FSIP2: variants seen among roughly 807,000 people sequenced by gnomAD.
FSIP2 encodes the protein fibrous sheath-interacting protein 2.
Under a neutral mutation model 510.5 loss-of-function variants are expected in FSIP2, and 367 were observed. The observed-to-expected ratio is 0.72, with a 90% confidence interval of 0.66 to 0.78. The LOEUF (loss-of-function observed/expected upper bound fraction) is 0.78. FSIP2 is among the 30% of genes least tolerant of loss of function. The probability of loss-of-function intolerance (pLI) is 0.00; values close to 1 mark genes in which losing one functional copy is unlikely to be tolerated. For missense variants in FSIP2, 7,594 were observed against 7,901.7 expected, an observed-to-expected ratio of 0.96 and a Z score of 1.48; for synonymous variants, 2,601 against 2,732.2, an observed-to-expected ratio of 0.95 and a Z score of 1.50.
chr2:185,785,275 T>G (rs981921158), intron 14 of FSIP2, among the ~76,000 whole-genome samples: 13 of 152,080 alleles, frequency 8.5e-5, no homozygotes, highest in African/African-American at 3.1e-4. Context: ...ATGCTCCTAG[T>G]TGAATACTGC....
intron 19 of FSIP2, among the ~76,000 whole-genome samples, chr2:185,821,925 CAA>C (rs35066355): frequency 0.12 from 15,160 of 127,314 alleles, 1,088 homozygotes; most frequent in East Asian, 0.41. Flanking sequence ...GACCCTATCT[CAA>C]AAAAAAAAAA....
In FSIP2 at chr2:185,791,886, G is replaced by C. The variant is rs943224251; in HGVS notation, c.4750G>C (p.Asp1584His). The change falls in exon 16 of 23, where the codon GAT becomes CAT. Residue 1584 changes from aspartate (D) to histidine (H), a missense_variant. Transcript: ENST00000424728. ...HPNKLKAVAS[D>H]ILNMVFAKLE... Reference sequence around the variant, plus strand: ...AAATAAACTAAAAGCTGTAGCTTCAGATATTCTTAATATGGTTTTTGCTAA... The same window carrying C: ...AAATAAACTAAAAGCTGTAGCTTCACATATTCTTAATATGGTTTTTGCTAA... 2.2e-5 allele frequency: 33 copies of C among 1,533,950 alleles called. No homozygotes were observed. Among genetic ancestry groups the C allele is most frequent in the Non-Finnish European group, 2.9e-5 (33 of 1,145,448 alleles).
rs578237184 is a variant in FSIP2 at position 185,752,084 on chromosome 2, A to G, written c.871-1638A>G. Among the ~76,000 whole-genome samples, 8 of 150,644 alleles carry G rather than the reference A, an allele frequency of 5.3e-5. No individual in the cohort carries two copies. In the South Asian group the frequency reaches 1.0e-3, roughly 20 times the overall value. On this transcript the variant is annotated intron_variant, in intron 7 of 22. Transcript: ENST00000424728. Reference sequence around the variant, plus strand: ...CTGCTATCATTTTTTTTTCTGTCTGAAGGGCTTTCTTTAACATTGCTCCTA... The same window carrying G: ...CTGCTATCATTTTTTTTTCTGTCTGGAGGGCTTTCTTTAACATTGCTCCTA...
chr2:185,829,839 T>C (rs955643554), intron 21 of FSIP2, among the ~76,000 whole-genome samples: 1 of 151,890 alleles, frequency 6.6e-6, no homozygotes, highest in African/African-American at 2.4e-5. Flanking sequence ...ATTTTAGCCA[T>C]AGAACTAGAA....
rs1693428148 is a variant in FSIP2 at position 185,801,250 on chromosome 2, G to A, written c.11944G>A (p.Glu3982Lys). ...SATFLEGIIS[E>K]LFFNLSMSLW... Reference sequence around the variant, plus strand: ...CACATTTTTGGAAGGAATAATTTCAGAATTGTTTTTTAATCTCTCTATGTC... The same window carrying A: ...CACATTTTTGGAAGGAATAATTTCAAAATTGTTTTTTAATCTCTCTATGTC... The change falls in exon 17 of 23, where the codon GAA (glutamate) becomes AAA (lysine). Residue 3982 changes from glutamate to lysine, a missense_variant. By Grantham distance (56) the Glu-to-Lys change is moderately conservative. Coordinates refer to ENST00000424728, the MANE Select transcript of FSIP2 (RefSeq NM_173651.4). 6.5e-7 allele frequency: 1 copy of A among 1,534,010 alleles called. No homozygotes were observed. The highest frequency in any genetic ancestry group is 1.4e-5 in the African/African-American group (1 of 72,844).
At chr2:185,786,430 T>C (rs375047925) in intron 15 of FSIP2, 142 bp downstream of exon 15, 9 of 603,842 alleles carry the variant, frequency 1.5e-5, no homozygotes, top group East Asian at 2.8e-5. Context: ...TTTTTCTTCA[T>C]TGAAGTCTAC....
At chr2:185,756,979 G>A (rs922471180) in intron 9 of FSIP2, among the ~76,000 whole-genome samples, 30 of 151,352 alleles carry the variant, frequency 2.0e-4, no homozygotes, top group Admixed American at 5.9e-4. Flanking sequence ...AGATAGGGTT[G>A]CCTTAGCCTA....
chr2:185,804,370 C>CA lies in FSIP2; in HGVS notation c.15070dup (p.Ile5024AsnfsTer14). The CA allele has an allele frequency of 6.7e-7, 1 of 1,498,234 alleles. No individual in the cohort carries two copies. Among genetic ancestry groups the CA allele is most frequent in the Non-Finnish European group, 8.8e-7 (1 of 1,130,750 alleles). 92.8% of individuals were successfully genotyped at this position (1,498,234 alleles called of 1,614,324 possible). A position where few individuals can be genotyped will look rare whatever the true frequency, so the allele number is the denominator to read the frequency against. ...CTCAGAAAGATACAAAGAAATGGTT[C>CA]AAAAAATAGTCAACTCAGTATATGG... On this transcript the variant is annotated frameshift_variant, in exon 17 of 23. Coordinates refer to ENST00000424728, the MANE Select transcript of FSIP2 (RefSeq NM_173651.4). LOFTEE classifies it high-confidence loss of function.
rs188970608 is a variant in FSIP2 at position 185,804,206 on chromosome 2, A to G, written c.14900A>G (p.Asn4967Ser). The change falls in exon 17 of 23, where the codon AAC becomes AGC. Residue 4967 changes from asparagine (N) to serine (S), a missense_variant. Coordinates refer to ENST00000424728, the MANE Select transcript of FSIP2 (RefSeq NM_173651.4). ...LCKILYAFSH[N>S]MLVTENPDRV... ...AAAATTCTTTATGCATTTTCACATA[A>G]CATGTTGGTTACTGAAAATCCAGAT... The G allele has an allele frequency of 6.6e-7, 1 of 1,517,520 alleles. No homozygotes were observed. The highest frequency in any genetic ancestry group is 1.4e-5 in the African/African-American group (1 of 71,848). 94.0% of individuals were successfully genotyped at this position (1,517,520 alleles called of 1,614,324 possible). A position where few individuals can be genotyped will look rare whatever the true frequency, so the allele number is the denominator to read the frequency against.
chr2:185,748,608 T>C (rs1274244409), intron 7 of FSIP2, among the ~76,000 whole-genome samples: 1 of 152,048 alleles, frequency 6.6e-6, no homozygotes, highest in East Asian at 1.9e-4. Flanking sequence ...CCAGAAGCAA[T>C]TGAATGCACT....
chr2:185,740,567 C>T (rs1008146493), intron 2 of FSIP2: 15 of 152,146 alleles, frequency 9.9e-5, no homozygotes, highest in Non-Finnish European at 1.3e-4. Flanking sequence ...TTGATACTTG[C>T]TTAATGTCTT....
intron 7 of FSIP2, among the ~76,000 whole-genome samples, chr2:185,749,031 T>C (rs1264900665): frequency 3.9e-5 from 6 of 152,084 alleles, no homozygotes; most frequent in Admixed American, 3.9e-4. Flanking sequence ...TTCTATTCTT[T>C]GACCTATTTG....
At chr2:185,780,976 G>C (rs1481764957) in intron 13 of FSIP2, among the ~76,000 whole-genome samples, 2 of 151,704 alleles carry the variant, frequency 1.3e-5, no homozygotes, top group African/African-American at 4.9e-5. Context: ...CGAATTCTTA[G>C]CATATAATTT....
In FSIP2 at chr2:185,782,849, T is replaced by C; in HGVS notation, c.1469+87T>C. ...CTCATAAGCAAATGATTCCATGGAA[T>C]CCTCCATTTTTATAGTTCTACTTGG... On this transcript the variant is annotated intron_variant, in intron 14 of 22. Transcript: ENST00000424728. 4.0e-6 allele frequency: 3 copies of C among 745,410 alleles called. No individual in the cohort carries two copies. The South Asian group carries it at 4.7e-5, about 12-fold the overall frequency. The allele number at this position is 745,410 out of a possible 1,614,324, so 46.2% of individuals were successfully genotyped here.
At chr2:185,738,495 A>G, upstream of FSIP2, 2 of 1,067,740 alleles carry the variant, frequency 1.9e-6, no homozygotes, top group Non-Finnish European at 2.7e-6. Flanking sequence ...GAATGGGCAA[A>G]AACAATCACT....
At chr2:185,812,523 A>C (rs1693752380) in intron 17 of FSIP2, among the ~76,000 whole-genome samples, 1 of 152,002 alleles carries the variant, frequency 6.6e-6, no homozygotes. Context: ...TCTTCAACAA[A>C]AGGACACAGC....
Position 185,799,888 on chromosome 2 carries a change from T to G in FSIP2, c.10582T>G (p.Trp3528Gly), listed in dbSNP as rs553915537. The G allele has an allele frequency of 1.5e-5, 23 of 1,533,568 alleles. No individual in the cohort carries two copies. Among genetic ancestry groups the G allele is most frequent in the African/African-American group, 2.7e-5 (2 of 72,832 alleles). The allele number at this position is 1,533,568 out of a possible 1,614,324, so 95.0% of individuals were successfully genotyped here. The change falls in exon 17 of 23, where the codon TGG becomes GGG. Residue 3528 changes from tryptophan to glycine, a missense_variant. Coordinates refer to ENST00000424728, the MANE Select transcript of FSIP2 (RefSeq NM_173651.4). ...AAAGGGTAGAGAAAAAGAGAAAGCA[T>G]GGGAAATTCAAGAAGCAACATTTAG... is the stretch of plus-strand genomic sequence containing the variant. ...TKKGREKEKAWEIQEATFSKI... is the reference protein window; with the variant it reads ...TKKGREKEKAGEIQEATFSKI...
Position 185,809,705 on chromosome 2 carries a change from G to T in FSIP2, c.19827+572G>T, listed in dbSNP as rs199808795. Among the ~76,000 whole-genome samples the T allele has an allele frequency of 8.6e-5, 13 of 151,836 alleles. No individual in the cohort carries two copies. The East Asian group carries it at 2.3e-3, about 27-fold the overall frequency. ...TATATTAGCCTTTCCCATTTGCCCT[G>T]GCCTCTCAAGATGTACCCATTTTCT... On this transcript the variant is annotated intron_variant, in intron 17 of 22. Transcript: ENST00000424728.
At position 185,804,176 on chromosome 2, in the gene FSIP2, T is replaced by C. The variant is rs1170815863; in HGVS notation, c.14870T>C (p.Leu4957Ser). The C allele has an allele frequency of 5.3e-6, 8 of 1,511,508 alleles. No individual in the cohort carries two copies. Among genetic ancestry groups the C allele is most frequent in the East Asian group, 2.5e-5 (1 of 40,554 alleles). The allele number at this position is 1,511,508 out of a possible 1,614,324, so 93.6% of individuals were successfully genotyped here. The change falls in exon 17 of 23, where the codon TTA becomes TCA. Residue 4957 changes from leucine (L) to serine (S), a missense_variant. By Grantham distance (145) the Leu-to-Ser change is moderately radical (BLOSUM62 -2). Coordinates refer to ENST00000424728, the MANE Select transcript of FSIP2 (RefSeq NM_173651.4). Reference protein sequence around the residue: ...VFLEEVISELLCKILYAFSHN... With the variant: ...VFLEEVISELSCKILYAFSHN... ...TTGGAGGAAGTAATTTCTGAGCTCT[T>C]ATGCAAAATTCTTTATGCATTTTCA...
Sources: gnomAD v4.1 joint callset for allele counts (sites outside exome capture counted in the v4.1 genomes callset) on GRCh38, gnomAD v4.1.1 for gene constraint, MANE v1.5 for transcripts, NCBI Gene and HGNC (gene_info 2026-07-23, HGNC 2026-07-21) for gene names.